CNTN3: variants seen among roughly 807,000 people sequenced by gnomAD.
CNTN3 encodes contactin-3.
In CNTN3, 60 loss-of-function variants were observed where a neutral mutation model predicts 119.1. The observed-to-expected ratio is 0.50, with a 90% CI of 0.41 to 0.62. The LOEUF (loss-of-function observed/expected upper bound fraction) is 0.62. Among genes scored for constraint, CNTN3 ranks in the 20% least tolerant of loss-of-function variants. CNTN3 has a pLI of 0.00. For missense variants in CNTN3, 1,101 were observed against 1,242.4 expected (o/e 0.89, Z 1.71); for synonymous variants, 450 against 438.7 (o/e 1.03, Z -0.32).
intron 9 of CNTN3, 33 bp from the exon 10 acceptor site, chr3:74,364,629 C>T: frequency 2.0e-6 from 3 of 1,534,078 alleles, no homozygotes; most frequent in Non-Finnish European, 2.7e-6. Context: ...TTCATATAAA[C>T]AAACATACCA....
intron 13 of CNTN3, among the ~76,000 whole-genome samples, chr3:74,321,838 C>G (rs1035013262): frequency 6.6e-6 from 1 of 151,988 alleles, no homozygotes; most frequent in Non-Finnish European, 1.5e-5. Context: ...AAAAGTTATA[C>G]AAAAATAAGT....
rs780665983 is a variant in CNTN3 at position 74,364,632 on chromosome 3, A to G, written c.1084-36T>C. Reference sequence around the variant, plus strand: ...ATAAAAATATCTTTCATATAAACAAACATACCACTTTAGAATAAAAATGAA... The same window carrying G: ...ATAAAAATATCTTTCATATAAACAAGCATACCACTTTAGAATAAAAATGAA... On this transcript the variant is annotated intron_variant, in intron 9 of 22. Coordinates refer to ENST00000263665, the MANE Select transcript of CNTN3 (RefSeq NM_020872.3). 7.8e-6 allele frequency: 12 copies of G among 1,530,622 alleles called. 1 individual carries two copies. The South Asian group carries it at 9.0e-5, about 12-fold the overall frequency. 94.8% of individuals were successfully genotyped at this position (1,530,622 alleles called of 1,614,324 possible). A position where few individuals can be genotyped will look rare whatever the true frequency, so the allele number is the denominator to read the frequency against.
intron 1 of CNTN3, among the ~76,000 whole-genome samples, chr3:74,593,153 T>G (rs1704733548): frequency 6.6e-6 from 1 of 151,984 alleles, no homozygotes; most frequent in South Asian, 2.1e-4. Flanking sequence ...TGTTTTCACT[T>G]TAGAACAATT....
Position 74,472,935 on chromosome 3 carries a change from A to T in CNTN3, c.358+13521T>A, listed in dbSNP as rs368993201. 4.6e-5 allele frequency among the ~76,000 whole-genome samples: 7 copies of T among 152,264 alleles called. No homozygotes were observed. In the East Asian group the frequency reaches 1.2e-3, roughly 25 times the overall value. ...ACAACCATTTTAGCTAATTGTCGGT[A>T]ATTTTTATTTTCAGATATAGCCAGC... On this transcript the variant is annotated intron_variant, in intron 4 of 22. Coordinates refer to ENST00000263665, the MANE Select transcript of CNTN3 (RefSeq NM_020872.3).
chr3:74,290,850 C>T (rs1216674677), intron 19 of CNTN3, among the ~76,000 whole-genome samples: 11 of 152,050 alleles, frequency 7.2e-5, no homozygotes. Context: ...TGCCACTACG[C>T]CCGGCTAATT....
intron 1 of CNTN3, among the ~76,000 whole-genome samples, chr3:74,550,356 A>G (rs1401914389): frequency 6.6e-6 from 1 of 152,210 alleles, no homozygotes; most frequent in Non-Finnish European, 1.5e-5. Flanking sequence ...TGGTAGATAA[A>G]GAATAGGTAT....
chr3:74,614,197 A>G (rs951702850), intron 1 of CNTN3, among the ~76,000 whole-genome samples, 194 bp downstream of exon 1: 1 of 152,204 alleles, frequency 6.6e-6, no homozygotes, highest in African/African-American at 2.4e-5. Context: ...TCCTCGCCCC[A>G]GAAGGGGAAA....
At chr3:74,537,628 G>A (rs192966112) in intron 1 of CNTN3, among the ~76,000 whole-genome samples, 1 of 152,168 alleles carries the variant, frequency 6.6e-6, no homozygotes, top group Non-Finnish European at 1.5e-5. Flanking sequence ...CCACCTCTGT[G>A]ACTCCTTGCA....
chr3:74,314,526 G>T (rs1702782047), intron 13 of CNTN3, among the ~76,000 whole-genome samples: 1 of 152,132 alleles, frequency 6.6e-6, no homozygotes, highest in African/African-American at 2.4e-5. Flanking sequence ...AAATATAGCA[G>T]AATTCAGATT....
chr3:74,454,770 A>G, intron 4 of CNTN3, among the ~76,000 whole-genome samples: 1 of 151,846 alleles, frequency 6.6e-6, no homozygotes. Context: ...TTCACTTATG[A>G]AGCTTAGTTT....
At chr3:74,397,878 C>T (rs1168931774) in intron 5 of CNTN3, among the ~76,000 whole-genome samples, 1 of 152,022 alleles carries the variant, frequency 6.6e-6, no homozygotes, top group East Asian at 1.9e-4. Context: ...TTCAAGACTT[C>T]AATGGAGGAA....
intron 2 of CNTN3, among the ~76,000 whole-genome samples, chr3:74,505,594 C>T (rs191914675): frequency 7.9e-5 from 12 of 152,072 alleles, no homozygotes; most frequent in Non-Finnish European, 1.3e-4. Context: ...CCTGAACCAA[C>T]ATGAACCACA....
At chr3:74,329,892 C>T (rs887355685) in intron 13 of CNTN3, among the ~76,000 whole-genome samples, 3 of 152,148 alleles carry the variant, frequency 2.0e-5, no homozygotes, top group Non-Finnish European at 4.4e-5. Flanking sequence ...TATTTACATT[C>T]ACACCATCAT....
intron 1 of CNTN3, among the ~76,000 whole-genome samples, chr3:74,531,700 A>G (rs1393376751): frequency 6.6e-6 from 1 of 151,994 alleles, no homozygotes; most frequent in Non-Finnish European, 1.5e-5. Flanking sequence ...AGAAGACAAA[A>G]GGAACATTCT....
chr3:74,319,948 C>A (rs1345639130), intron 13 of CNTN3, among the ~76,000 whole-genome samples: 1 of 152,096 alleles, frequency 6.6e-6, no homozygotes, highest in African/African-American at 2.4e-5. Context: ...CGGAGAAATG[C>A]AAATCAATAC....
intron 2 of CNTN3, among the ~76,000 whole-genome samples, chr3:74,515,774 T>C (rs953481935): frequency 1.3e-5 from 2 of 152,054 alleles, no homozygotes; most frequent in African/African-American, 2.4e-5. Context: ...AGCAGCTCTA[T>C]CTGAAAGAAA....
intron 1 of CNTN3, among the ~76,000 whole-genome samples, chr3:74,534,965 T>C (rs1243370932): frequency 6.6e-6 from 1 of 152,064 alleles, no homozygotes; most frequent in Admixed American, 6.5e-5. Flanking sequence ...TGTGATTACA[T>C]GCTGAGCTGG....
chr3:74,448,553 C>T (rs1167155200), intron 4 of CNTN3, among the ~76,000 whole-genome samples: 3 of 152,080 alleles, frequency 2.0e-5, no homozygotes, highest in African/African-American at 7.2e-5. Flanking sequence ...ATGACACCTG[C>T]TAACCTGAGG....
rs568341381 is a variant in CNTN3 at position 74,513,773 on chromosome 3, G to T, written c.55+7285C>A. 2.6e-5 allele frequency among the ~76,000 whole-genome samples: 4 copies of T among 152,120 alleles called. No homozygotes were observed. The South Asian group carries it at 8.3e-4, about 32-fold the overall frequency. On this transcript the variant is annotated intron_variant, in intron 2 of 22. Coordinates refer to ENST00000263665, the MANE Select transcript of CNTN3 (RefSeq NM_020872.3). ...TCCTTGTAGTTAAGAGGAATAAATT[G>T]CCTCCTATTAAAGTGACAGGTAGGA...
Sources: gnomAD v4.1 joint callset for allele counts (sites outside exome capture counted in the v4.1 genomes callset) on GRCh38, gnomAD v4.1.1 for gene constraint, MANE v1.5 for transcripts, NCBI Gene and HGNC (gene_info 2026-07-23, HGNC 2026-07-21) for gene names.